SFXN5: variants seen among roughly 807,000 people sequenced by gnomAD.
SFXN5 encodes the protein sideroflexin 5.
SFXN5 carries 43 observed loss-of-function variants against 50.2 expected under a neutral mutation model. That is an observed-to-expected ratio of 0.86 (90% confidence interval 0.67 to 1.11). SFXN5 has a LOEUF of 1.11. Ranked by LOEUF, SFXN5 falls within the 50% of genes least tolerant of loss-of-function variation. The pLI, the probability that SFXN5 is intolerant of heterozygous loss-of-function variation, is 0.00. For missense variants in SFXN5, 463 were observed against 454.1 expected (o/e 1.02, Z -0.18); for synonymous variants, 203 against 185.8 (o/e 1.09, Z -0.75).
chr2:72,993,107 G>T (rs551030177), intron 9 of SFXN5, among the ~76,000 whole-genome samples: 2 of 152,312 alleles, frequency 1.3e-5, no homozygotes, highest in Admixed American at 1.3e-4. Flanking sequence ...GGTCCAAATA[G>T]CCCTGAAGAA....
rs148309672 is a variant in SFXN5 at position 73,039,178 on chromosome 2, T to C, written c.249+1676A>G. On this transcript the variant is annotated intron_variant, in intron 3 of 13. Coordinates refer to ENST00000272433, the MANE Select transcript of SFXN5 (RefSeq NM_144579.3). ...CCTGACCTCAAGTGATCCGCCCGCCTTGGCCTCCCAAAGTGCTGGGATTAC... is the reference window on the plus strand; with the variant it reads ...CCTGACCTCAAGTGATCCGCCCGCCCTGGCCTCCCAAAGTGCTGGGATTAC... 7.2e-3 allele frequency among the ~76,000 whole-genome samples: 1,093 copies of C among 152,322 alleles called. 7 individuals are homozygous for C. Among genetic ancestry groups the C allele is most frequent in the African/African-American group, 0.025 (1,022 of 41,564 alleles).
chr2:72,982,757 G>A (rs904609482), intron 10 of SFXN5, among the ~76,000 whole-genome samples: 5 of 152,210 alleles, frequency 3.3e-5, no homozygotes, highest in African/African-American at 7.2e-5. Flanking sequence ...GGAGGGCAGA[G>A]GGTGCTTGAG....
intron 12 of SFXN5, among the ~76,000 whole-genome samples, chr2:72,965,460 C>A (rs866942130): frequency 6.6e-6 from 1 of 152,134 alleles, no homozygotes; most frequent in Non-Finnish European, 1.5e-5. Context: ...TCTGTCCTCG[C>A]GATAAGGCAG....
intron 3 of SFXN5, among the ~76,000 whole-genome samples, chr2:73,035,264 T>C (rs1414153374): frequency 1.3e-5 from 2 of 152,168 alleles, no homozygotes; most frequent in East Asian, 3.9e-4. Context: ...CAAATCATTC[T>C]GGCAAAGCCC....
chr2:73,070,476 T>G (rs1345110856), intron 1 of SFXN5: 1 of 152,342 alleles, frequency 6.6e-6, no homozygotes, highest in Non-Finnish European at 1.5e-5. Flanking sequence ...ACAATTTCCT[T>G]TCTTCCTTCA....
chr2:72,989,806 G>C (rs1047523116), intron 9 of SFXN5, among the ~76,000 whole-genome samples: 1 of 152,228 alleles, frequency 6.6e-6, no homozygotes, highest in Admixed American at 6.5e-5. Context: ...TTGGGTTGCA[G>C]AGGCCTCTGC....
chr2:72,998,561 A>C (rs889901017), intron 9 of SFXN5: 1 of 205,954 alleles, frequency 4.9e-6, no homozygotes, highest in African/African-American at 2.3e-5. Context: ...AGCTCAGGGG[A>C]GCAGGCACAT....
intron 2 of SFXN5, among the ~76,000 whole-genome samples, chr2:73,051,910 C>T (rs1483494397): frequency 6.6e-6 from 1 of 152,060 alleles, no homozygotes; most frequent in East Asian, 1.9e-4. Context: ...GGTTTTAATC[C>T]CAGTCACAGC....
chr2:72,984,200 C>A (rs1465649993), intron 10 of SFXN5, among the ~76,000 whole-genome samples: 5 of 152,240 alleles, frequency 3.3e-5, no homozygotes, highest in Non-Finnish European at 7.3e-5. Context: ...AAACTGAGAT[C>A]TCCCACACGA....
At chr2:72,951,956 T>C (rs897414048) in intron 13 of SFXN5, among the ~76,000 whole-genome samples, 2 of 152,194 alleles carry the variant, frequency 1.3e-5, no homozygotes, top group African/African-American at 4.8e-5. Context: ...GCAGGCCCCA[T>C]GTCCTGTTCC....
intron 3 of SFXN5, among the ~76,000 whole-genome samples, chr2:73,039,912 G>C (rs1369153964): frequency 6.6e-6 from 1 of 151,886 alleles, no homozygotes; most frequent in Non-Finnish European, 1.5e-5. Context: ...CCAGGTTCAA[G>C]CGATTCTCCT....
rs1436168328 is a variant in SFXN5 at position 72,945,832 on chromosome 2, C to A, written c.946-733G>T. ...ACCCCCAACCACTGCAGACAACCAC[C>A]CCACCCCTGCCCCCATAGCCAGGTC... is the stretch of plus-strand genomic sequence containing the variant. On this transcript the variant is annotated intron_variant, in intron 13 of 13. Coordinates refer to ENST00000272433, the MANE Select transcript of SFXN5 (RefSeq NM_144579.3). This position sits in a 1 kb window ranked among gnomAD's most constrained non-coding sequence, Gnocchi z 5.8. Among the ~76,000 whole-genome samples, 5 of 152,042 alleles carry A rather than the reference C, an allele frequency of 3.3e-5. No homozygotes were observed.
At chr2:73,055,386 T>C (rs762100941) in intron 2 of SFXN5, among the ~76,000 whole-genome samples, 1 of 152,222 alleles carries the variant, frequency 6.6e-6, no homozygotes, top group Non-Finnish European at 1.5e-5. Flanking sequence ...TCTGTCCTTT[T>C]CTTTGTCTGT....
At chr2:72,964,235 G>T (rs530742831) in intron 12 of SFXN5, among the ~76,000 whole-genome samples, 99 of 152,336 alleles carry the variant, frequency 6.5e-4, no homozygotes, top group African/African-American at 2.2e-3. Context: ...CCGTTAATTT[G>T]TAAGTGTTCT....
At chr2:73,038,445 C>G (rs966614551) in intron 3 of SFXN5, among the ~76,000 whole-genome samples, 16 of 152,066 alleles carry the variant, frequency 1.1e-4, no homozygotes, top group Admixed American at 2.6e-4. Context: ...GTACTATAGA[C>G]TTTATAAACA....
Position 72,945,285 on chromosome 2 carries a change from G to A in SFXN5, c.946-186C>T, listed in dbSNP as rs960414383. Among the ~76,000 whole-genome samples, 1 of 152,044 alleles carries A rather than the reference G, an allele frequency of 6.6e-6. No individual in the cohort carries two copies. Among genetic ancestry groups the A allele is most frequent in the African/African-American group, 2.4e-5 (1 of 41,392 alleles). The stretch of plus-strand genomic sequence containing the variant: ...TCCTTCTCCACCGCCCTCCCGCCGC[G>A]GGGCTCACAGCATCCCTTCCAGCCC... On this transcript the variant is annotated intron_variant, in intron 13 of 13. Coordinates refer to ENST00000272433, the MANE Select transcript of SFXN5 (RefSeq NM_144579.3). This position sits in a 1 kb window ranked among gnomAD's most constrained non-coding sequence, Gnocchi z 5.8.
intron 3 of SFXN5, among the ~76,000 whole-genome samples, chr2:73,035,217 T>C (rs1384938850): frequency 6.6e-6 from 1 of 152,186 alleles, no homozygotes; most frequent in African/African-American, 2.4e-5. Context: ...GGGAGGGGTC[T>C]TCCATATTTA....
At chr2:72,963,966 C>T (rs968413780) in intron 12 of SFXN5, among the ~76,000 whole-genome samples, 3 of 152,162 alleles carry the variant, frequency 2.0e-5, no homozygotes, top group African/African-American at 2.4e-5. Context: ...CAGCCCAGTG[C>T]GCTGGACTGG....
intron 3 of SFXN5, among the ~76,000 whole-genome samples, chr2:73,035,277 G>A (rs1431898883): frequency 6.6e-6 from 1 of 152,104 alleles, no homozygotes; most frequent in Admixed American, 6.5e-5. Context: ...CAAAGCCCCA[G>A]CATATACAAG....
Sources: allele counts gnomAD v4.1 joint callset (sites outside exome capture counted in the v4.1 genomes callset), GRCh38; gene constraint gnomAD v4.1.1; non-coding constraint Gnocchi (gnomAD v3.1); transcripts MANE v1.5; gene names NCBI Gene and HGNC (gene_info 2026-07-23, HGNC 2026-07-21).